The following LITAFD variants were observed in gnomAD, a reference collection of about 807,000 sequenced individuals.
LITAFD encodes LITAF domain containing.
intron 2 of LITAFD, among the ~76,000 whole-genome samples, chr16:8,883,989 C>T (rs1335485177): frequency 6.6e-6 from 1 of 152,100 alleles, no homozygotes; most frequent in African/African-American, 2.4e-5. Context: ...CGCTTGAACC[C>T]GGGAGGCGGA....
At chr16:8,884,624 G>A (rs1203621137) in intron 3 of LITAFD, among the ~76,000 whole-genome samples, 159 bp downstream of exon 3, 1 of 152,188 alleles carries the variant, frequency 6.6e-6, no homozygotes, top group Non-Finnish European at 1.5e-5. Context: ...AGAGGAGGCG[G>A]CAGCCCTCTG....
At chr16:8,885,324 C>A in exon 4 of LITAFD, 1 of 398,824 alleles carries the variant, frequency 2.5e-6, no homozygotes, top group South Asian at 1.3e-4. Flanking sequence ...CCAGGGGTGC[C>A]ACCTGGGCAC....
chr16:8,884,362 G>C (rs2061555139), exon 3 of LITAFD: 2 of 399,062 alleles, frequency 5.0e-6, no homozygotes. Flanking sequence ...GTCCATGCCG[G>C]TGCAGGCCGT....
In LITAFD at chr16:8,885,183, G is replaced by A; in HGVS notation, c.111-4G>A. 2.5e-6 allele frequency: 1 copy of A among 399,326 alleles called. No homozygotes were observed. Among genetic ancestry groups the A allele is most frequent in the East Asian group, 3.6e-5 (1 of 28,080 alleles). The allele number at this position is 399,326 out of a possible 1,614,324, so 24.7% of individuals were successfully genotyped here. A position where few individuals can be genotyped will look rare whatever the true frequency, so the allele number is the denominator to read the frequency against. ...CACGCCCAGCCTCCGCTCCGGGGCT[G>A]CAGGTACGTCCTGGGCTGCTGCTTC... On this transcript the variant is annotated splice_polypyrimidine_tract_variant and splice_region_variant and intron_variant, in intron 3 of 3. Coordinates refer to ENST00000636296, the Ensembl canonical transcript of LITAFD.
exon 4 of LITAFD, chr16:8,885,268 C>G: frequency 5.0e-6 from 2 of 399,104 alleles, no homozygotes; most frequent in Non-Finnish European, 8.8e-6. Flanking sequence ...TGTGTCAGCG[C>G]GAGCTCTTCT....
At chr16:8,883,732 A>C (rs1351550766) in intron 2 of LITAFD, among the ~76,000 whole-genome samples, 1 of 152,186 alleles carries the variant, frequency 6.6e-6, no homozygotes, top group African/African-American at 2.4e-5. Context: ...GGTTGGATAG[A>C]TTCCTGGAGG....
At chr16:8,885,161 G>A (rs1270861196) in intron 3 of LITAFD, 26 bp from the exon 4 acceptor site, 3 of 399,146 alleles carry the variant, frequency 7.5e-6, no homozygotes, top group African/African-American at 2.1e-5. Flanking sequence ...CCCCGCTCAC[G>A]CCCAGCCTCC....
intron 3 of LITAFD, among the ~76,000 whole-genome samples, chr16:8,884,672 G>T (rs547775884): frequency 1.1e-4 from 16 of 152,158 alleles, no homozygotes; most frequent in Non-Finnish European, 1.8e-4. Flanking sequence ...GGGAGTGGAG[G>T]GGTGAGTGAT....
chr16:8,884,194 A>T (rs1274770343), intron 2 of LITAFD, 129 bp from the exon 3 acceptor site: 1 of 396,424 alleles, frequency 2.5e-6, no homozygotes, highest in African/African-American at 2.1e-5. Context: ...CCCACATATC[A>T]GGTCCCCAGT....
exon 1 of LITAFD, chr16:8,882,473 A>G (rs1003349365): frequency 6.6e-6 from 1 of 152,470 alleles, no homozygotes; most frequent in Non-Finnish European, 1.5e-5. Flanking sequence ...TTGCTGGGAC[A>G]GAGGCCCTCC....
Sources: gnomAD v4.1 joint callset for allele counts (sites outside exome capture counted in the v4.1 genomes callset) on GRCh38, gnomAD v4.1.1 for gene constraint, MANE v1.5 for transcripts, NCBI Gene and HGNC (gene_info 2026-07-23, HGNC 2026-07-21) for gene names.